TMEM154: variants seen among roughly 807,000 people sequenced by gnomAD.
TMEM154 encodes transmembrane protein 154.
A neutral mutation model predicts 24.5 loss-of-function variants in TMEM154; 27 were observed. That is an observed-to-expected ratio of 1.10 (90% CI 0.81 to 1.52). The LOEUF (loss-of-function observed/expected upper bound fraction) is 1.52. Among genes scored for constraint, TMEM154 ranks in the 40% most tolerant of loss-of-function variants. TMEM154 has a pLI of 0.00. For missense variants in TMEM154, 228 were observed against 213.4 expected, an observed-to-expected ratio of 1.07 and a Z score of -0.43; for synonymous variants, 67 against 76.8, an observed-to-expected ratio of 0.87 and a Z score of 0.67.
chr4:152,652,564 T>C lies in TMEM154; in HGVS notation c.338A>G (p.Gln113Arg). Reference protein sequence around the residue: ...RKRTKQEPSSQGSQSALQTYE... With the variant: ...RKRTKQEPSSRGSQSALQTYE... ...TGTCTGTAAAGCACTCTGAGATCCTTGGCTAGAAGGTTCTGTATCAAAGCA... is the reference window on the plus strand; with the variant it reads ...TGTCTGTAAAGCACTCTGAGATCCTCGGCTAGAAGGTTCTGTATCAAAGCA... The change falls in exon 3 of 7, where the codon CAA (glutamine) becomes CGA (arginine). Residue 113 changes from glutamine (Q) to arginine (R), a missense_variant. By Grantham distance (43) the Gln-to-Arg change is conservative. Transcript: ENST00000304385. The C allele has an allele frequency of 6.2e-7, 1 of 1,614,100 alleles. No homozygotes were observed. The highest frequency in any genetic ancestry group is 1.3e-5 in the African/African-American group (1 of 75,056).
At chr4:152,642,488 A>G (rs982415865) in intron 5 of TMEM154, among the ~76,000 whole-genome samples, 1 of 152,204 alleles carries the variant, frequency 6.6e-6, no homozygotes, top group African/African-American at 2.4e-5. Context: ...ACTGCCAGAT[A>G]TCAATTGGAA....
At chr4:152,645,695 C>T (rs1014159337) in intron 3 of TMEM154, among the ~76,000 whole-genome samples, 14 of 152,200 alleles carry the variant, frequency 9.2e-5, no homozygotes, top group African/African-American at 3.4e-4. Context: ...AGTGAAGGAA[C>T]ACAACCAGCA....
chr4:152,638,230 C>G (rs1340030772), intron 6 of TMEM154, among the ~76,000 whole-genome samples: 2 of 152,214 alleles, frequency 1.3e-5, no homozygotes, highest in African/African-American at 4.8e-5. Context: ...CACACCACTG[C>G]ACTCCAGCCT....
At position 152,624,650 on chromosome 4, in the gene TMEM154, T is replaced by C. The variant is rs1368520577; in HGVS notation, c.*3896A>G. The C allele has an allele frequency of 6.6e-6, 1 of 151,666 alleles. No individual in the cohort carries two copies. The allele number at this position is 151,666 out of a possible 1,614,324, so 9.4% of individuals were successfully genotyped here. A position where few individuals can be genotyped will look rare whatever the true frequency, so the allele number is the denominator to read the frequency against. ...ACCCAAAAACTATCCCCAAGAGGACTAAGAAGGAAATAAAACTTTGGTGCC... is the reference window on the plus strand; with the variant it reads ...ACCCAAAAACTATCCCCAAGAGGACCAAGAAGGAAATAAAACTTTGGTGCC... On this transcript the variant is annotated 3_prime_UTR_variant, in exon 7 of 7. Coordinates refer to ENST00000304385, the MANE Select transcript of TMEM154 (RefSeq NM_152680.3).
intron 1 of TMEM154, among the ~76,000 whole-genome samples, chr4:152,677,815 A>G (rs1426846540): frequency 6.6e-6 from 1 of 152,146 alleles, no homozygotes; most frequent in East Asian, 1.9e-4. Flanking sequence ...TGATTTTCAT[A>G]TTTATCAACA....
Position 152,628,613 on chromosome 4 carries a change from ACAC to A in TMEM154, c.537-55_537-53del, listed in dbSNP as rs1344893881. The A allele has an allele frequency of 6.3e-6, 7 of 1,105,976 alleles. No individual in the cohort carries two copies. The African/African-American group carries it at 9.0e-5, about 14-fold the overall frequency. 68.5% of individuals were successfully genotyped at this position (1,105,976 alleles called of 1,614,324 possible). ...AAAAACAAAAAAAACACACACACAC[ACAC>A]AAAACAGTAATATATTTCTTTCTTT... On this transcript the variant is annotated intron_variant, in intron 6 of 6. Coordinates refer to ENST00000304385, the MANE Select transcript of TMEM154 (RefSeq NM_152680.3).
In TMEM154 at chr4:152,645,423, A is replaced by C. The variant is rs188425186; in HGVS notation, c.365-981T>G. On this transcript the variant is annotated intron_variant, in intron 3 of 6. Coordinates refer to ENST00000304385, the MANE Select transcript of TMEM154 (RefSeq NM_152680.3). ...TGTTTACAAAATGGCTGTAATGCAC[A>C]TCAGACTCCAAATGAACAAGTGGTG... is the stretch of plus-strand genomic sequence containing the variant. Among the ~76,000 whole-genome samples the C allele has an allele frequency of 5.7e-4, 87 of 152,330 alleles. 1 individual carries two copies. The highest frequency in any genetic ancestry group is 2.1e-3 in the African/African-American group (86 of 41,566).
chr4:152,632,206 C>T (rs1433799827), intron 6 of TMEM154, among the ~76,000 whole-genome samples: 1 of 152,024 alleles, frequency 6.6e-6, no homozygotes, highest in Admixed American at 6.6e-5. Flanking sequence ...TTTTTTCTGG[C>T]TTTTTTTCTT....
chr4:152,661,821 G>A (rs1294279767), intron 1 of TMEM154, among the ~76,000 whole-genome samples: 3 of 152,112 alleles, frequency 2.0e-5, no homozygotes, highest in Non-Finnish European at 2.9e-5. Flanking sequence ...AGGAAGTTTC[G>A]CTACCACCCT....
In TMEM154 at chr4:152,646,965, A is replaced by G. The variant is rs762460858; in HGVS notation, c.365-2523T>C. 9.9e-6 allele frequency: 7 copies of G among 705,046 alleles called. No individual in the cohort carries two copies. The African/African-American group carries it at 1.2e-4, about 12-fold the overall frequency. The allele number at this position is 705,046 out of a possible 1,614,324, so 43.7% of individuals were successfully genotyped here. ...TCTTTCAGAGAGACCTCACACATCA[A>G]GACACTGCAAATTTCATACCAGGAG... On this transcript the variant is annotated intron_variant, in intron 3 of 6. Transcript: ENST00000304385.
At chr4:152,653,779 C>T (rs1728437957) in intron 1 of TMEM154, among the ~76,000 whole-genome samples, 3 of 151,924 alleles carry the variant, frequency 2.0e-5, no homozygotes, top group African/African-American at 7.3e-5. Context: ...TGGTTCACGC[C>T]TGTAATCCCA....
At chr4:152,653,021 G>C in intron 1 of TMEM154, 94 bp from the exon 2 acceptor site, 2 of 1,327,878 alleles carry the variant, frequency 1.5e-6, no homozygotes, top group Non-Finnish European at 2.0e-6. Flanking sequence ...GATACATTCT[G>C]TGATAAATTT....
At chr4:152,661,314 C>CTCTCTCTCTA (rs1728603151) in intron 1 of TMEM154, among the ~76,000 whole-genome samples, 1 of 146,744 alleles carries the variant, frequency 6.8e-6, no homozygotes, top group African/African-American at 2.5e-5. Context: ...CTCTCTCTCT[C>CTCTCTCTCTA]TCTCTCTCTC....
chr4:152,639,959 T>C (rs1434325096), intron 6 of TMEM154, among the ~76,000 whole-genome samples: 1 of 152,134 alleles, frequency 6.6e-6, no homozygotes, highest in Non-Finnish European at 1.5e-5. Flanking sequence ...GATGGTGAAT[T>C]CTTAAGTGAG....
chr4:152,628,581 A>AC lies in TMEM154; in HGVS notation c.537-21_537-20insG. The AC allele has an allele frequency of 1.8e-6, 2 of 1,100,906 alleles. No individual in the cohort carries two copies. The highest frequency in any genetic ancestry group is 2.4e-6 in the Non-Finnish European group (2 of 842,600). 68.2% of individuals were successfully genotyped at this position (1,100,906 alleles called of 1,614,324 possible). A position where few individuals can be genotyped will look rare whatever the true frequency, so the allele number is the denominator to read the frequency against. ...CTGTCACTGTAAAAAAAAAAAAAAA[A>AC]AAAAAAAAAAACAAAAAAAACACAC... On this transcript the variant is annotated intron_variant, in intron 6 of 6. Transcript: ENST00000304385.
At chr4:152,653,005 T>C (rs1728419003) in intron 1 of TMEM154, 78 bp from the exon 2 acceptor site, 1 of 1,382,556 alleles carries the variant, frequency 7.2e-7, no homozygotes, top group Non-Finnish European at 9.7e-7. Context: ...TTTTAAATTA[T>C]TCCTAGATAC....
chr4:152,627,852 C>T lies in TMEM154; in HGVS notation c.*694G>A, dbSNP rs1751944310. 1 of 152,210 alleles carries T rather than the reference C, an allele frequency of 6.6e-6. No homozygotes were observed. Among genetic ancestry groups the T allele is most frequent in the Non-Finnish European group, 1.5e-5 (1 of 68,066 alleles). 9.4% of individuals were successfully genotyped at this position (152,210 alleles called of 1,614,324 possible). ...AACATTAGTTCTTTCACTGAAGATT[C>T]CTAGTTTCTCTGAGAAGTTCTTAAG... On this transcript the variant is annotated 3_prime_UTR_variant, in exon 7 of 7. Coordinates refer to ENST00000304385, the MANE Select transcript of TMEM154 (RefSeq NM_152680.3).
At chr4:152,651,200 T>TA (rs1728375710) in intron 3 of TMEM154, among the ~76,000 whole-genome samples, 2 of 150,286 alleles carry the variant, frequency 1.3e-5, no homozygotes, top group South Asian at 2.1e-4. Flanking sequence ...TTTTTTTTTT[T>TA]AAGTAGGGAC....
intron 6 of TMEM154, among the ~76,000 whole-genome samples, chr4:152,638,409 T>C (rs1170100061): frequency 2.6e-5 from 4 of 152,228 alleles, no homozygotes; most frequent in African/African-American, 4.8e-5. Flanking sequence ...TTCCCAGGAT[T>C]GGTAGGTCCA....
Sources: allele counts gnomAD v4.1 joint callset (sites outside exome capture counted in the v4.1 genomes callset), GRCh38; gene constraint gnomAD v4.1.1; transcripts MANE v1.5; gene names NCBI Gene and HGNC (gene_info 2026-07-23, HGNC 2026-07-21).